RNPEPL1: variants seen among roughly 807,000 people sequenced by gnomAD.
The protein encoded by RNPEPL1 is aminopeptidase RNPEPL1.
A neutral mutation model predicts 69.0 loss-of-function variants in RNPEPL1; 46 were observed. The observed-to-expected ratio is 0.67, with a 90% CI of 0.53 to 0.85. RNPEPL1 has a LOEUF of 0.85. Among genes scored for constraint, RNPEPL1 ranks in the 40% least tolerant of loss-of-function variants. The pLI, the probability that RNPEPL1 is intolerant of heterozygous loss-of-function variation, is 0.00. For missense variants in RNPEPL1, 869 were observed against 992.5 expected, an observed-to-expected ratio of 0.88 and a Z score of 1.67; for synonymous variants, 525 against 454.1, an observed-to-expected ratio of 1.16 and a Z score of -1.98.
intron 6 of RNPEPL1, 141 bp downstream of exon 6, chr2:240,574,769 C>G: frequency 1.3e-6 from 1 of 793,542 alleles, no homozygotes; most frequent in East Asian, 2.7e-5. Flanking sequence ...CTGGGAGCCC[C>G]TGGCCAGGGC....
intron 10 of RNPEPL1, 21 bp downstream of exon 10, chr2:240,577,011 G>A: frequency 6.2e-7 from 1 of 1,612,204 alleles, no homozygotes; most frequent in South Asian, 1.1e-5. Context: ...CTGCCCAGGG[G>A]GCCAGCCTGG....
rs1575433932 is a variant in RNPEPL1 at position 240,568,614 on chromosome 2, G to A, written c.28G>A (p.Ala10Thr). 1 of 991,016 alleles carries A rather than the reference G, an allele frequency of 1.0e-6. No individual in the cohort carries two copies. The highest frequency in any genetic ancestry group is 1.2e-6 in the Non-Finnish European group (1 of 837,080). The allele number at this position is 991,016 out of a possible 1,614,324, so 61.4% of individuals were successfully genotyped here. Residue 10 changes from alanine (A) to threonine (T), a missense_variant, in exon 1 of 11, where the codon GCG becomes ACG. By Grantham distance (58) the Ala-to-Thr change is moderately conservative. Transcript: ENST00000270357. The surrounding 1 kb of genome is among the most constrained non-coding windows in gnomAD (Gnocchi z 6.2). MAAQCCCRQAPGAEAAPVRP... is the reference protein window; with the variant it reads MAAQCCCRQTPGAEAAPVRP... ...GGCCGCGCAGTGCTGCTGCCGCCAGGCGCCCGGCGCCGAGGCCGCGCCCGT... is the reference window on the plus strand; with the variant it reads ...GGCCGCGCAGTGCTGCTGCCGCCAGACGCCCGGCGCCGAGGCCGCGCCCGT...
chr2:240,572,341 C>T, intron 1 of RNPEPL1, 82 bp from the exon 2 acceptor site: 15 of 1,471,510 alleles, frequency 1.0e-5, no homozygotes, highest in Non-Finnish European at 1.4e-5. Flanking sequence ...AGCCTCCTGC[C>T]TTCTCTCAGG....
chr2:240,568,863 GC>G lies in RNPEPL1; in HGVS notation c.282del (p.Ala95ProfsTer90). 11 of 1,200,632 alleles carry G rather than the reference GC, an allele frequency of 9.2e-6. No individual in the cohort carries two copies. Among genetic ancestry groups the G allele is most frequent in the Admixed American group, 7.7e-5 (2 of 26,114 alleles). 74.4% of individuals were successfully genotyped at this position (1,200,632 alleles called of 1,614,324 possible). On this transcript the variant is annotated frameshift_variant, in exon 1 of 11. Transcript: ENST00000270357. LOFTEE classifies it high-confidence loss of function. This position sits in a 1 kb window ranked among gnomAD's most constrained non-coding sequence, Gnocchi z 6.2. ...LRLHSAAFRR[A>X]PAAAAETPCA... ...CCTGCACTCAGCCGCCTTCCGTCGCGCCCCCGCCGCCGCCGCCGAGACGCCC... is the reference window on the plus strand; with the variant it reads ...CCTGCACTCAGCCGCCTTCCGTCGCGCCCCGCCGCCGCCGCCGAGACGCCC...
chr2:240,568,824 C>T lies in RNPEPL1; in HGVS notation c.238C>T (p.His80Tyr). The change falls in exon 1 of 11, where the codon CAC (histidine) becomes TAC (tyrosine). Residue 80 changes from histidine (H) to tyrosine (Y), a missense_variant. Coordinates refer to ENST00000270357, the MANE Select transcript of RNPEPL1 (RefSeq NM_018226.6). The surrounding 1 kb of genome is among the most constrained non-coding windows in gnomAD (Gnocchi z 6.2). ...PAPRALVLDA[H>Y]PALRLHSAAF... is the part of the protein sequence containing the mutation. ...GCCCCGCGCGCTCGTGCTCGACGCG[C>T]ACCCGGCTCTGCGCCTGCACTCAGC... 1.8e-6 allele frequency: 2 copies of T among 1,135,280 alleles called. No individual in the cohort carries two copies. The highest frequency in any genetic ancestry group is 2.2e-6 in the Non-Finnish European group (2 of 923,910). 70.3% of individuals were successfully genotyped at this position (1,135,280 alleles called of 1,614,324 possible).
In RNPEPL1 at chr2:240,574,233, C is replaced by G. The variant is rs756776344; in HGVS notation, c.1059C>G (p.His353Gln). 1 of 1,613,300 alleles carries G rather than the reference C, an allele frequency of 6.2e-7. No homozygotes were observed. Residue 353 changes from histidine to glutamine, a missense_variant, in exon 5 of 11, where the codon CAC (histidine) becomes CAG (glutamine). By Grantham distance (24) the His-to-Gln change is conservative. This residue lies in a region of RNPEPL1 where 610 missense variants were observed against 790.9 expected (regional missense o/e 0.77). Coordinates refer to ENST00000270357, the MANE Select transcript of RNPEPL1 (RefSeq NM_018226.6). ...AGTTCCTGGTCATCGATGTCATCCA[C>G]GAGGTGGCCCACAGTTGGTTCGGCA... ...SDEFLVIDVI[H>Q]EVAHSWFGNA...
rs2093030598 is a variant in RNPEPL1, at chr2:240,574,093, T to C, written c.939-20T>C. ...GTCTGAGCCCCGAGGTCTGCCACCC[T>C]CACCGCCCTCCCGGTGCAGGTACGA... On this transcript the variant is annotated intron_variant, in intron 4 of 10. Transcript: ENST00000270357. 2 of 1,605,712 alleles carry C rather than the reference T, an allele frequency of 1.2e-6. No individual in the cohort carries two copies. Among genetic ancestry groups the C allele is most frequent in the Non-Finnish European group, 1.7e-6 (2 of 1,174,472 alleles).
At chr2:240,570,413 G>A (rs1424561518) in intron 1 of RNPEPL1, among the ~76,000 whole-genome samples, 1 of 152,220 alleles carries the variant, frequency 6.6e-6, no homozygotes. Context: ...GCGTCACCTG[G>A]CCTGTGAGCC....
Position 240,574,287 on chromosome 2 carries a change from G to A in RNPEPL1, c.1113G>A (p.Glu371=), listed in dbSNP as rs2093031339. The A allele has an allele frequency of 6.2e-7, 1 of 1,609,870 alleles. No individual in the cohort carries two copies. Among genetic ancestry groups the A allele is most frequent in the African/African-American group, 1.3e-5 (1 of 74,882 alleles). The change falls in exon 5 of 11, where the codon GAG becomes GAA. Residue 371 remains glutamate (E), a synonymous_variant. Coordinates refer to ENST00000270357, the MANE Select transcript of RNPEPL1 (RefSeq NM_018226.6). ...CTGTCACCAACGCCACGTGGGAAGA[G>A]ATGTGGCTGAGCGAGGGCCTGGCCA... is the stretch of plus-strand genomic sequence containing the variant. ...GNAVTNATWE[E]MWLSEGLATY... is the part of the protein sequence containing the mutation.
At chr2:240,573,537 T>G (rs2093028681) in intron 3 of RNPEPL1, among the ~76,000 whole-genome samples, 1 of 152,208 alleles carries the variant, frequency 6.6e-6, no homozygotes, top group Non-Finnish European at 1.5e-5. Flanking sequence ...CCTTCGTTGG[T>G]CCCTTCAGCC....
chr2:240,572,618 C>A, intron 2 of RNPEPL1, 55 bp downstream of exon 2: 1 of 1,528,870 alleles, frequency 6.5e-7, no homozygotes, highest in Non-Finnish European at 8.8e-7. Flanking sequence ...AGTGGCCTGG[C>A]CACGCCGCCT....
In RNPEPL1 at chr2:240,576,559, A is replaced by G; in HGVS notation, c.1535A>G (p.Asn512Ser). Residue 512 changes from asparagine to serine, a missense_variant, in exon 9 of 11, where the codon AAT becomes AGT. Physicochemically the swap from Asn to Ser is conservative, Grantham distance 46. This residue lies in a region of RNPEPL1 where 610 missense variants were observed against 790.9 expected (regional missense o/e 0.77). Coordinates refer to ENST00000270357, the MANE Select transcript of RNPEPL1 (RefSeq NM_018226.6). The part of the protein sequence containing the change: ...RAGLEFERWL[N>S]ATGPPLAEPD... ...GGGCTGGAATTCGAGCGCTGGCTCA[A>G]TGCCACAGGCCCGCCGCTGGCTGAG... The G allele has an allele frequency of 6.2e-7, 1 of 1,612,616 alleles. No individual in the cohort carries two copies. Among genetic ancestry groups the G allele is most frequent in the Non-Finnish European group, 8.5e-7 (1 of 1,179,832 alleles).
In RNPEPL1 at chr2:240,575,502, G is replaced by A. The variant is rs771416366; in HGVS notation, c.1402G>A (p.Ala468Thr). 1.8e-5 allele frequency: 29 copies of A among 1,612,896 alleles called. 1 individual carries two copies. The highest frequency in any genetic ancestry group is 2.3e-5 in the Non-Finnish European group (27 of 1,179,648). The change falls in exon 8 of 11, where the codon GCC becomes ACC. Residue 468 changes from alanine to threonine, a missense_variant and splice_region_variant. Transcript: ENST00000270357. ...DPQRFDDFLR[A>T]YVEKYKFTSV... Reference sequence around the variant, plus strand: ...CTGAGGCCCCACCTCTGCCACACAGGCCTATGTGGAGAAGTACAAGTTCAC... The same window carrying A: ...CTGAGGCCCCACCTCTGCCACACAGACCTATGTGGAGAAGTACAAGTTCAC...
chr2:240,568,933 CG>C lies in RNPEPL1; in HGVS notation c.348del (p.Pro118ArgfsTer67). ...GCCCCCGGGCCGGGGCCCGCGCCGC[CG>C]CCCCCGCTGCCCGCCTTCCCCGAGG... ...FSAPGPGPAP[P>X]PPLPAFPEAP... On this transcript the variant is annotated frameshift_variant, in exon 1 of 11. Transcript: ENST00000270357. LOFTEE classifies it high-confidence loss of function. The surrounding 1 kb of genome is among the most constrained non-coding windows in gnomAD (Gnocchi z 6.2). 7.5e-7 allele frequency: 1 copy of C among 1,340,834 alleles called. No individual in the cohort carries two copies. Among genetic ancestry groups the C allele is most frequent in the Non-Finnish European group, 9.5e-7 (1 of 1,050,006 alleles). 83.1% of individuals were successfully genotyped at this position (1,340,834 alleles called of 1,614,324 possible).
chr2:240,574,444 C>A, intron 5 of RNPEPL1, 71 bp from the exon 6 acceptor site: 5 of 1,525,064 alleles, frequency 3.3e-6, no homozygotes, highest in Non-Finnish European at 4.5e-6. Flanking sequence ...GCTGCAGGTG[C>A]CCACACCTCC....
rs1414616582 is a variant in RNPEPL1, at chr2:240,580,049, T to C, written c.*2157T>C. The C allele has an allele frequency of 6.6e-6, 1 of 152,292 alleles. No homozygotes were observed. Among genetic ancestry groups the C allele is most frequent in the Admixed American group, 6.5e-5 (1 of 15,284 alleles). The allele number at this position is 152,292 out of a possible 1,614,324, so 9.4% of individuals were successfully genotyped here. The stretch of plus-strand genomic sequence containing the variant: ...GGCAGGAGGGCATCTGGATCCAGGA[T>C]GGCACCCTCACCACAATCTGTCTTG... On this transcript the variant is annotated 3_prime_UTR_variant, in exon 11 of 11. Coordinates refer to ENST00000270357, the MANE Select transcript of RNPEPL1 (RefSeq NM_018226.6).
rs2093013756 is a variant in RNPEPL1, at chr2:240,569,117, G to A, written c.528+3G>A. On this transcript the variant is annotated splice_donor_region_variant and intron_variant, in intron 1 of 10. Transcript: ENST00000270357. The stretch of plus-strand genomic sequence containing the variant: ...ACACCTCGACCGACGCCCCCGCCGT[G>A]AGTCCGGGGCGGGCGCCGGGGCTGC... The A allele has an allele frequency of 1.3e-6, 2 of 1,488,416 alleles. No homozygotes were observed. Among genetic ancestry groups the A allele is most frequent in the Non-Finnish European group, 1.8e-6 (2 of 1,125,772 alleles). The allele number at this position is 1,488,416 out of a possible 1,614,324, so 92.2% of individuals were successfully genotyped here.
rs771991435 is a variant in RNPEPL1 at position 240,572,443 on chromosome 2, G to A, written c.549G>A (p.Glu183=). ...DAPAIWWLDP[E]LTYGCAKPFV... is the part of the protein sequence containing the mutation. ...CACAGATCTGGTGGCTGGACCCAGA[G>A]CTGACCTATGGCTGCGCCAAGCCCT... The change falls in exon 2 of 11, where the codon GAG becomes GAA. Residue 183 remains glutamate (E), a synonymous_variant. Coordinates refer to ENST00000270357, the MANE Select transcript of RNPEPL1 (RefSeq NM_018226.6). 3.6e-5 allele frequency: 56 copies of A among 1,536,090 alleles called. No homozygotes were observed. Among genetic ancestry groups the A allele is most frequent in the Non-Finnish European group, 1.0e-5 (12 of 1,146,846 alleles).
In RNPEPL1 at chr2:240,568,835, G is replaced by GCGCCTGCACTCAGC; in HGVS notation, c.255_268dup (p.Phe90CysfsTer100). On this transcript the variant is annotated frameshift_variant, in exon 1 of 11. Transcript: ENST00000270357. LOFTEE classifies it high-confidence loss of function. This position sits in a 1 kb window ranked among gnomAD's most constrained non-coding sequence, Gnocchi z 6.2. ...TCGTGCTCGACGCGCACCCGGCTCT[G>GCGCCTGCACTCAGC]CGCCTGCACTCAGCCGCCTTCCGTC... The GCGCCTGCACTCAGC allele has an allele frequency of 8.6e-7, 1 of 1,167,458 alleles. No individual in the cohort carries two copies. The highest frequency in any genetic ancestry group is 1.1e-6 in the Non-Finnish European group (1 of 942,752). The allele number at this position is 1,167,458 out of a possible 1,614,324, so 72.3% of individuals were successfully genotyped here. A position where few individuals can be genotyped will look rare whatever the true frequency, so the allele number is the denominator to read the frequency against.
Sources: gnomAD v4.1 joint callset for allele counts (sites outside exome capture counted in the v4.1 genomes callset) on GRCh38, gnomAD v4.1.1 for gene constraint, gnomAD v4.1.1 regional missense constraint, Gnocchi (gnomAD v3.1) non-coding constraint, MANE v1.5 for transcripts, NCBI Gene and HGNC (gene_info 2026-07-23, HGNC 2026-07-21) for gene names.